The following ALOX5AP variants were observed in gnomAD, a reference collection of about 807,000 sequenced individuals.
The protein encoded by ALOX5AP is arachidonate 5-lipoxygenase-activating protein.
In ALOX5AP, 9 loss-of-function variants were observed where a neutral mutation model predicts 18.5. The ratio of observed to expected loss-of-function variants is 0.49; its 90% CI spans 0.29 to 0.85. ALOX5AP has a LOEUF of 0.85. Ranked by LOEUF, ALOX5AP falls within the 40% of genes least tolerant of loss-of-function variation. ALOX5AP has a pLI of 0.08. For missense variants in ALOX5AP, 172 were observed against 202.5 expected (o/e 0.85, Z 0.91); for synonymous variants, 81 against 78.6 (o/e 1.03, Z -0.16).
intron 3 of ALOX5AP, among the ~76,000 whole-genome samples, chr13:30,752,600 T>C (rs1364265152): frequency 1.3e-5 from 2 of 152,202 alleles, no homozygotes; most frequent in African/African-American, 4.8e-5. Context: ...AGGCTTGACT[T>C]GAGCAAGTTG....
chr13:30,744,196 C>A, intron 2 of ALOX5AP, 37 bp downstream of exon 2: 1 of 1,587,312 alleles, frequency 6.3e-7, no homozygotes, highest in Non-Finnish European at 8.6e-7. Context: ...TAAGTGGGGG[C>A]ATGGGCAGGG....
intron 1 of ALOX5AP, among the ~76,000 whole-genome samples, chr13:30,716,611 T>A (rs4077141): frequency 1.1e-4 from 16 of 152,210 alleles, no homozygotes; most frequent in Admixed American, 8.5e-4. Flanking sequence ...TCAGCCCCCC[T>A]GCAATGAGCC....
chr13:30,715,761 T>A (rs1282549099), intron 1 of ALOX5AP, among the ~76,000 whole-genome samples: 1 of 152,168 alleles, frequency 6.6e-6, no homozygotes, highest in Non-Finnish European at 1.5e-5. Context: ...TAACACATGA[T>A]CATCCCCTTG....
chr13:30,751,897 C>T (rs553102437), intron 2 of ALOX5AP, among the ~76,000 whole-genome samples, 155 bp from the exon 3 acceptor site: 1 of 152,338 alleles, frequency 6.6e-6, no homozygotes, highest in East Asian at 1.9e-4. Flanking sequence ...CAGCTGGCTG[C>T]CCCATCTTAT....
At chr13:30,726,983 G>A (rs1189050743) in intron 1 of ALOX5AP, among the ~76,000 whole-genome samples, 1 of 151,620 alleles carries the variant, frequency 6.6e-6, no homozygotes, top group Non-Finnish European at 1.5e-5. Flanking sequence ...ACTCAAAGAT[G>A]AATAAAGAGA....
Position 30,727,287 on chromosome 13 carries a change from ACCTG to A in ALOX5AP, c.117-8262_117-8259del, listed in dbSNP as rs1359547394. Among the ~76,000 whole-genome samples the A allele has an allele frequency of 1.2e-3, 190 of 152,146 alleles. 1 individual carries two copies. The highest frequency in any genetic ancestry group is 4.4e-3 in the African/African-American group (183 of 41,500). ...TTGAACTCCTGGCCTCAAGTGACCC[ACCTG>A]CTTTGACCTCCCAAAGTGCTAGGAT... On this transcript the variant is annotated intron_variant, in intron 1 of 5. Transcript: ENST00000617770.
chr13:30,733,801 C>T (rs944108680), upstream of ALOX5AP, among the ~76,000 whole-genome samples: 10 of 152,148 alleles, frequency 6.6e-5, no homozygotes, highest in Non-Finnish European at 1.3e-4. Flanking sequence ...CTGGGCCATC[C>T]ATCTTCTCCT....
In ALOX5AP at chr13:30,764,180, G is replaced by A; in HGVS notation, c.*74G>A. On this transcript the variant is annotated 3_prime_UTR_variant, in exon 5 of 5. Coordinates refer to ENST00000380490, the MANE Select transcript of ALOX5AP (RefSeq NM_001629.4). ...AGTCATCATAATTCAGCTCTTGAGAGCATTCTGCTCTTCTTTAGATGGCTG... is the reference window on the plus strand; with the variant it reads ...AGTCATCATAATTCAGCTCTTGAGAACATTCTGCTCTTCTTTAGATGGCTG... The A allele has an allele frequency of 6.8e-7, 1 of 1,479,706 alleles. No individual in the cohort carries two copies. Among genetic ancestry groups the A allele is most frequent in the Admixed American group, 2.1e-5 (1 of 48,510 alleles). 91.7% of individuals were successfully genotyped at this position (1,479,706 alleles called of 1,614,324 possible). A position where few individuals can be genotyped will look rare whatever the true frequency, so the allele number is the denominator to read the frequency against.
chr13:30,752,393 A>G (rs1190938458), intron 3 of ALOX5AP, among the ~76,000 whole-genome samples: 1 of 152,214 alleles, frequency 6.6e-6, no homozygotes, highest in Non-Finnish European at 1.5e-5. Context: ...AATGTGACTC[A>G]GAATCCTTAA....
chr13:30,758,832 C>T (rs1951917829), intron 4 of ALOX5AP, among the ~76,000 whole-genome samples: 1 of 151,694 alleles, frequency 6.6e-6, no homozygotes, highest in South Asian at 2.1e-4. Flanking sequence ...TCTCACCTCA[C>T]CTTACATAGT....
intron 3 of ALOX5AP, among the ~76,000 whole-genome samples, chr13:30,753,135 A>C (rs1951865495): frequency 6.6e-6 from 1 of 152,220 alleles, no homozygotes; most frequent in African/African-American, 2.4e-5. Flanking sequence ...CACAGAAGTC[A>C]GTGAATGAAG....
At chr13:30,732,636 C>G (rs1256615899), upstream of ALOX5AP, among the ~76,000 whole-genome samples, 4 of 152,162 alleles carry the variant, frequency 2.6e-5, no homozygotes, top group Admixed American at 6.5e-5. Context: ...GCCAATGAGG[C>G]TGTCCTAAGA....
At position 30,716,741 on chromosome 13, in the gene ALOX5AP, C is replaced by T. The variant is rs191089206; in HGVS notation, c.116+2900C>T. Among the ~76,000 whole-genome samples the T allele has an allele frequency of 6.6e-5, 10 of 152,322 alleles. No individual in the cohort carries two copies. In the East Asian group the frequency reaches 1.7e-3, roughly 26 times the overall value. ...CACCAACTACAAGTCAAGGGGTTCC[C>T]CAAACCACCCTGAGTTGTGATAATT... On this transcript the variant is annotated intron_variant, in intron 1 of 5. Coordinates refer to the ALOX5AP transcript ENST00000617770.
chr13:30,735,491 G>C (rs200150324), upstream of ALOX5AP: 34 of 1,535,932 alleles, frequency 2.2e-5, no homozygotes, highest in Non-Finnish European at 2.8e-5. Flanking sequence ...ATTGTGCCGG[G>C]GATCTTCAGA....
chr13:30,735,734 T>G (rs1227134627), intron 1 of ALOX5AP, 59 bp downstream of exon 1: 1 of 1,594,794 alleles, frequency 6.3e-7, no homozygotes, highest in Non-Finnish European at 8.6e-7. Flanking sequence ...TGATGGTTGT[T>G]TGGAAGTCAG....
intron 3 of ALOX5AP, among the ~76,000 whole-genome samples, chr13:30,755,290 T>C (rs1217680067): frequency 6.6e-6 from 1 of 152,188 alleles, no homozygotes; most frequent in African/African-American, 2.4e-5. Flanking sequence ...GGTTAAACAT[T>C]GTGCTGTGGG....
rs574118434 is a variant in ALOX5AP, at chr13:30,760,908, TA to T, written c.324-3026del. On this transcript the variant is annotated intron_variant, in intron 4 of 4. Coordinates refer to ENST00000380490, the MANE Select transcript of ALOX5AP (RefSeq NM_001629.4). The stretch of plus-strand genomic sequence containing the variant: ...ATTAGTGAGTCTTCTGTGGTTGGTA[TA>T]AAAAAAAAATAGAAACATGAAAGAG... Among the ~76,000 whole-genome samples the T allele has an allele frequency of 3.3e-3, 496 of 148,736 alleles. 4 individuals carry two copies. The highest frequency in any genetic ancestry group is 0.011 in the South Asian group (54 of 4,722).
chr13:30,730,145 A>G (rs761458565), intron 1 of ALOX5AP, among the ~76,000 whole-genome samples: 1 of 152,242 alleles, frequency 6.6e-6, no homozygotes, highest in African/African-American at 2.4e-5. Flanking sequence ...TCTGTAAAGC[A>G]CTCTGAGCAT....
At chr13:30,718,824 C>T (rs1340549898) in intron 1 of ALOX5AP, among the ~76,000 whole-genome samples, 1 of 152,214 alleles carries the variant, frequency 6.6e-6, no homozygotes, top group East Asian at 1.9e-4. Flanking sequence ...CTGCTATGCT[C>T]ATAGCTGACC....
Sources: gnomAD v4.1 joint callset for allele counts (sites outside exome capture counted in the v4.1 genomes callset) on GRCh38, gnomAD v4.1.1 for gene constraint, MANE v1.5 for transcripts, NCBI Gene and HGNC (gene_info 2026-07-23, HGNC 2026-07-21) for gene names.